SPEF2: variants seen among roughly 807,000 people sequenced by gnomAD.
SPEF2 encodes sperm flagella and cilia-associated protein 2.
In SPEF2, 187 loss-of-function variants were observed where a neutral mutation model predicts 224.6. The ratio of observed to expected loss-of-function variants is 0.83; its 90% CI spans 0.74 to 0.94. SPEF2 has a LOEUF of 0.94. SPEF2 is among the 40% of genes least tolerant of loss of function. The pLI is 0.00. For synonymous variants in SPEF2, 715 were observed against 707.3 expected (o/e 1.01, Z -0.17); for missense variants, 2,170 against 2,135.6 (o/e 1.02, Z -0.32).
chr5:35,756,884 C>T (rs1022507089), intron 24 of SPEF2, among the ~76,000 whole-genome samples: 2 of 151,918 alleles, frequency 1.3e-5, no homozygotes, highest in Non-Finnish European at 2.9e-5. Flanking sequence ...TTTCTATTTC[C>T]ACACTATTTG....
At chr5:35,722,120 C>T (rs1247637055) in intron 20 of SPEF2, among the ~76,000 whole-genome samples, 1 of 151,926 alleles carries the variant, frequency 6.6e-6, no homozygotes, top group South Asian at 2.1e-4. Context: ...TTAAAAATGT[C>T]TGGGAAAGAA....
intron 33 of SPEF2, 151 bp from the exon 34 acceptor site, chr5:35,799,817 G>A (rs1757185543): frequency 6.6e-6 from 5 of 758,242 alleles, no homozygotes; most frequent in Non-Finnish European, 1.1e-5. Flanking sequence ...ATATTATTCA[G>A]TTCATACCAT....
intron 2 of SPEF2, among the ~76,000 whole-genome samples, chr5:35,638,305 C>T (rs1746115631): frequency 6.6e-6 from 1 of 151,922 alleles, no homozygotes; most frequent in African/African-American, 2.4e-5. Flanking sequence ...TTAAGAAATT[C>T]AAGTGTTCCA....
At chr5:35,642,467 G>A (rs927718136) in intron 3 of SPEF2, among the ~76,000 whole-genome samples, 21 of 152,184 alleles carry the variant, frequency 1.4e-4, no homozygotes, top group East Asian at 3.9e-4. Flanking sequence ...TGGTTTTACC[G>A]TCCTGATACT....
chr5:35,774,573 C>T (rs527625830), intron 28 of SPEF2, among the ~76,000 whole-genome samples: 3 of 152,236 alleles, frequency 2.0e-5, no homozygotes, highest in South Asian at 2.1e-4. Context: ...CTCCACAAAA[C>T]ATATTCTCCT....
At chr5:35,652,259 T>C (rs1005713222) in intron 6 of SPEF2, among the ~76,000 whole-genome samples, 3 of 152,116 alleles carry the variant, frequency 2.0e-5, no homozygotes, top group African/African-American at 4.8e-5. Flanking sequence ...GACTAATTGA[T>C]AAAGGAGAAG....
intron 24 of SPEF2, among the ~76,000 whole-genome samples, chr5:35,756,482 G>A (rs1332324889): frequency 6.6e-6 from 1 of 152,152 alleles, no homozygotes; most frequent in Non-Finnish European, 1.5e-5. Context: ...CAAAAGAGGA[G>A]GTTTCGGTTC....
At chr5:35,623,316 T>G (rs1410741112) in intron 1 of SPEF2, among the ~76,000 whole-genome samples, 1 of 152,210 alleles carries the variant, frequency 6.6e-6, no homozygotes, top group African/African-American at 2.4e-5. Context: ...TTTGTTTGTT[T>G]GTTTTTGTTT....
At position 35,751,078 on chromosome 5, in the gene SPEF2, T is replaced by TACGTATATATATACGTATATATATATAC. The variant is rs1554048783; in HGVS notation, c.3331-2544_3331-2543insGTATATATATACGTATATATATATACAC. Among the ~76,000 whole-genome samples, 2 of 22,646 alleles carry TACGTATATATATACGTATATATATATAC rather than the reference T, an allele frequency of 8.8e-5. 1 individual carries two copies. The highest frequency in any genetic ancestry group is 2.0e-4 in the Non-Finnish European group (2 of 9,872). 14.9% of individuals were successfully genotyped at this position (22,646 alleles called of 152,430 possible). ...ATACGTATATATATGTATATATATATACACACACACACACACACATATATA... is the reference window on the plus strand; with the variant it reads ...ATACGTATATATATGTATATATATATACGTATATATATACGTATATATATATACACACACACACACACACACATATATA... On this transcript the variant is annotated intron_variant, in intron 23 of 36. Transcript: ENST00000356031.
chr5:35,759,771 TG>T (rs1471124250), intron 25 of SPEF2, 52 bp downstream of exon 25: 1 of 1,419,120 alleles, frequency 7.0e-7, no homozygotes, highest in Non-Finnish European at 9.4e-7. Context: ...TAAAGCTTTG[TG>T]ATTTAAAATT....
intron 36 of SPEF2, among the ~76,000 whole-genome samples, chr5:35,811,815 G>T (rs2149880914): frequency 6.9e-6 from 1 of 144,694 alleles, no homozygotes; most frequent in African/African-American, 2.7e-5. Context: ...TGTTGCTCAG[G>T]CTGGAGGGTT....
rs544561674 is a variant in SPEF2, at chr5:35,687,321, C to T, written c.1525-3716C>T. 3.3e-4 allele frequency among the ~76,000 whole-genome samples: 50 copies of T among 152,196 alleles called. No individual in the cohort carries two copies. In the South Asian group the frequency reaches 0.01, roughly 32 times the overall value. On this transcript the variant is annotated intron_variant, in intron 10 of 36. Transcript: ENST00000356031. ...TCTATATTTTTGCACAGTGAATATT[C>T]TGTCCCTGCAACTCATTCTTTTCAT...
chr5:35,654,538 A>G lies in SPEF2; in HGVS notation c.792-2A>G. On this transcript the variant is annotated splice_acceptor_variant, in intron 6 of 36. Transcript: ENST00000356031. LOFTEE classifies it high-confidence loss of function. Reference sequence around the variant, plus strand: ...ATCTAAAATAAAAACTATTATTCTTAGTGCATCCAAGACTTCTTTAGATAC... The same window carrying G: ...ATCTAAAATAAAAACTATTATTCTTGGTGCATCCAAGACTTCTTTAGATAC... The G allele has an allele frequency of 6.4e-7, 1 of 1,558,970 alleles. No individual in the cohort carries two copies. The highest frequency in any genetic ancestry group is 8.6e-7 in the Non-Finnish European group (1 of 1,160,356).
intron 15 of SPEF2, 86 bp downstream of exon 15, chr5:35,697,879 T>C: frequency 3.2e-6 from 3 of 923,570 alleles, no homozygotes; most frequent in Non-Finnish European, 4.9e-6. Context: ...GGATTTTTTG[T>C]TGTAATATCT....
intron 8 of SPEF2, among the ~76,000 whole-genome samples, chr5:35,664,499 G>A (rs548763798): frequency 2.6e-5 from 4 of 152,200 alleles, no homozygotes; most frequent in African/African-American, 9.6e-5. Flanking sequence ...GGCCAACATG[G>A]TGAAACCCTG....
chr5:35,786,446 G>A (rs1369503580), intron 30 of SPEF2, among the ~76,000 whole-genome samples: 1 of 152,026 alleles, frequency 6.6e-6, no homozygotes, highest in African/African-American at 2.4e-5. Context: ...GTTCACCTGA[G>A]GTCAGGAGTT....
chr5:35,709,454 TAG>T, intron 19 of SPEF2: 1 of 1,034,332 alleles, frequency 9.7e-7, no homozygotes, highest in Non-Finnish European at 1.2e-6. Flanking sequence ...TGCTGAACTA[TAG>T]AGTTACATTT....
intron 34 of SPEF2, among the ~76,000 whole-genome samples, chr5:35,804,212 T>A (rs776747430): frequency 6.6e-6 from 1 of 152,168 alleles, no homozygotes; most frequent in Admixed American, 6.5e-5. Flanking sequence ...ACTGAGCTGA[T>A]TGAATGATAG....
intron 10 of SPEF2, 93 bp downstream of exon 10, chr5:35,670,320 A>G: frequency 1.4e-6 from 2 of 1,468,708 alleles, no homozygotes; most frequent in Non-Finnish European, 1.8e-6. Flanking sequence ...ATTTCTACTA[A>G]TAAAAATAGA....
Sources: gnomAD v4.1 joint callset for allele counts (sites outside exome capture counted in the v4.1 genomes callset) on GRCh38, gnomAD v4.1.1 for gene constraint, MANE v1.5 for transcripts, NCBI Gene and HGNC (gene_info 2026-07-23, HGNC 2026-07-21) for gene names.